The following FRMPD4 variants were observed in gnomAD, a reference collection of about 807,000 sequenced individuals.
FRMPD4 encodes the protein FERM and PDZ domain containing 4.
FRMPD4 carries 22 observed loss-of-function variants against 94.1 expected under a neutral mutation model. The ratio of observed to expected loss-of-function variants is 0.23; its 90% confidence interval spans 0.17 to 0.33. The LOEUF (loss-of-function observed/expected upper bound fraction) is 0.33. FRMPD4 is among the 10% of genes least tolerant of loss of function. FRMPD4 has a pLI of 1.00. For missense variants in FRMPD4, 1,111 were observed against 1,339.9 expected (o/e 0.83, Z 2.67); for synonymous variants, 631 against 548.6 (o/e 1.15, Z -2.10).
chrX:12,618,527 A>G (rs746408107), intron 4 of FRMPD4, among the ~76,000 whole-genome samples: 1 of 111,647 alleles, frequency 9.0e-6, no homozygotes, highest in African/African-American at 3.3e-5. Flanking sequence ...AAGAGTAGCC[A>G]TCAACGCGAA....
chrX:12,438,317 G>T (rs1346978355), intron 1 of FRMPD4, among the ~76,000 whole-genome samples: 2 of 109,502 alleles, frequency 1.8e-5, no homozygotes, highest in Non-Finnish European at 3.8e-5. Flanking sequence ...CATCCTTTAT[G>T]CAACTTGGGA....
rs190440295 is a variant in FRMPD4 at position 11,868,955 on chromosome X, G to A, written c.-30+3739G>A. ...ACATTTGCTATCTGGCCCTTTACAG[G>A]AAAACTTTGCTGACCCTTAGGCTAG... is the stretch of plus-strand genomic sequence containing the variant. On this transcript the variant is annotated intron_variant, in intron 2 of 18. Coordinates refer to the FRMPD4 transcript ENST00000640291. Among the ~76,000 whole-genome samples the A allele has an allele frequency of 5.9e-3, 665 of 112,252 alleles. 23 individuals are homozygous for A. Among genetic ancestry groups the A allele is most frequent in the Admixed American group, 0.058 (614 of 10,603 alleles).
intron 1 of FRMPD4, among the ~76,000 whole-genome samples, chrX:12,189,905 A>T (rs941614645): frequency 1.8e-5 from 2 of 111,743 alleles, no homozygotes; most frequent in African/African-American, 6.5e-5. Context: ...GAAAAGGTAT[A>T]CAAATTGGGA....
At chrX:12,532,751 G>A (rs1437517559) in intron 2 of FRMPD4, among the ~76,000 whole-genome samples, 1 of 110,804 alleles carries the variant, frequency 9.0e-6, no homozygotes, top group Non-Finnish European at 1.9e-5. Flanking sequence ...GGAGACATTT[G>A]GGATTGTTGT....
chrX:12,280,522 T>C (rs1282178441), intron 1 of FRMPD4, among the ~76,000 whole-genome samples: 1 of 110,661 alleles, frequency 9.0e-6, no homozygotes, highest in Non-Finnish European at 1.9e-5. Flanking sequence ...TGGCCTACTA[T>C]TTAATGAACA....
At chrX:12,384,523 A>T (rs76708477) in intron 1 of FRMPD4, among the ~76,000 whole-genome samples, 1 of 107,834 alleles carries the variant, frequency 9.3e-6, no homozygotes, top group African/African-American at 3.4e-5. Context: ...GTCTCAAAAG[A>T]AAAAAAAAAG....
At chrX:12,309,745 G>A (rs970341150) in intron 1 of FRMPD4, among the ~76,000 whole-genome samples, 1 of 112,622 alleles carries the variant, frequency 8.9e-6, no homozygotes, top group Non-Finnish European at 1.9e-5. Flanking sequence ...AATTACTGTG[G>A]TACACTTGCA....
chrX:11,992,680 A>G (rs1211309876), intron 3 of FRMPD4, among the ~76,000 whole-genome samples: 1 of 112,051 alleles, frequency 8.9e-6, no homozygotes, highest in African/African-American at 3.2e-5. Flanking sequence ...AGGAAAATAA[A>G]TAGGTGGTGA....
intron 3 of FRMPD4, among the ~76,000 whole-genome samples, chrX:11,967,345 A>C (rs909657179): frequency 8.9e-6 from 1 of 112,311 alleles, no homozygotes; most frequent in South Asian, 3.7e-4. Flanking sequence ...TGTACAGTGT[A>C]ATGAACTGTT....
At chrX:12,371,266 C>G (rs751361656) in intron 1 of FRMPD4, among the ~76,000 whole-genome samples, 14 of 112,632 alleles carry the variant, frequency 1.2e-4, no homozygotes, top group Non-Finnish European at 2.6e-4. Flanking sequence ...TAGGAATTGG[C>G]TACCCATATG....
At chrX:12,697,904 T>C (rs1182032095) in intron 9 of FRMPD4, among the ~76,000 whole-genome samples, 1 of 112,144 alleles carries the variant, frequency 8.9e-6, no homozygotes, top group Non-Finnish European at 1.9e-5. Context: ...TCATATATCC[T>C]CCGCTGAAAC....
intron 1 of FRMPD4, among the ~76,000 whole-genome samples, chrX:12,433,829 T>G (rs1437894707): frequency 8.9e-6 from 1 of 112,058 alleles, no homozygotes; most frequent in Non-Finnish European, 1.9e-5. Context: ...AATAGGTTAG[T>G]TAGCCTGAAA....
At chrX:12,644,280 C>T (rs182796063) in intron 4 of FRMPD4, among the ~76,000 whole-genome samples, 48 of 111,213 alleles carry the variant, frequency 4.3e-4, no homozygotes, top group African/African-American at 1.5e-3. Context: ...CTGTATTGCC[C>T]AGGCTAGGAG....
At chrX:12,301,516 G>A (rs1255350605) in intron 1 of FRMPD4, among the ~76,000 whole-genome samples, 1 of 111,372 alleles carries the variant, frequency 9.0e-6, no homozygotes, top group Non-Finnish European at 1.9e-5. Context: ...ATGTTAGTCT[G>A]TCTTGCGAGA....
At position 12,434,485 on chromosome X, in the gene FRMPD4, G is replaced by GA. The variant is rs1284855504; in HGVS notation, c.42-64192dup. On this transcript the variant is annotated intron_variant, in intron 1 of 16. Coordinates refer to ENST00000675598, the MANE Select transcript of FRMPD4 (RefSeq NM_001368397.1). ...CTGTGCCAGAAAACATCAAAGGAAGGAAATGCATCTCTGCCTTAAACTCTC... is the reference window on the plus strand; with the variant it reads ...CTGTGCCAGAAAACATCAAAGGAAGGAAAATGCATCTCTGCCTTAAACTCTC... Among the ~76,000 whole-genome samples the GA allele has an allele frequency of 2.8e-4, 32 of 112,389 alleles. No homozygotes were observed. The East Asian group carries it at 8.6e-3, about 30-fold the overall frequency.
At chrX:12,137,228 A>C (rs992285068), upstream of FRMPD4, among the ~76,000 whole-genome samples, 2 of 112,194 alleles carry the variant, frequency 1.8e-5, no homozygotes, top group African/African-American at 6.5e-5. Context: ...GTATTCAAAA[A>C]CATGTAATTT....
At chrX:12,518,368 G>A (rs1387709072) in intron 2 of FRMPD4, among the ~76,000 whole-genome samples, 4 of 111,816 alleles carry the variant, frequency 3.6e-5, no homozygotes, top group Non-Finnish European at 7.5e-5. Flanking sequence ...ACCTTTGGCT[G>A]ATACCAGACA....
At chrX:12,060,725 C>A (rs1171529008) in intron 3 of FRMPD4, among the ~76,000 whole-genome samples, 1 of 111,120 alleles carries the variant, frequency 9.0e-6, no homozygotes, top group African/African-American at 3.3e-5. Flanking sequence ...CATCTAACAT[C>A]TCTTTTAAAA....
intron 1 of FRMPD4, among the ~76,000 whole-genome samples, chrX:12,183,290 A>G (rs2056384225): frequency 9.0e-6 from 1 of 111,432 alleles, no homozygotes; most frequent in Non-Finnish European, 1.9e-5. Flanking sequence ...TAAACAAGTT[A>G]TCAATGCATA....
Sources: gnomAD v4.1 joint callset for allele counts (sites outside exome capture counted in the v4.1 genomes callset) on GRCh38, gnomAD v4.1.1 for gene constraint, MANE v1.5 for transcripts, NCBI Gene and HGNC (gene_info 2026-07-23, HGNC 2026-07-21) for gene names.